The following CDH3 variants were observed in gnomAD, a reference collection of about 807,000 sequenced individuals.
CDH3 encodes cadherin 3, also known as cadherin-3.
CDH3 carries 54 observed loss-of-function variants against 82.0 expected under a neutral mutation model. That is an observed-to-expected ratio of 0.66 (90% CI 0.53 to 0.83). CDH3 has a LOEUF of 0.83. Ranked by LOEUF, CDH3 falls within the 40% of genes least tolerant of loss-of-function variation. The pLI, the probability that CDH3 is intolerant of heterozygous loss-of-function variation, is 0.00. For missense variants in CDH3, 1,054 were observed against 1,084.6 expected (o/e 0.97, Z 0.40); for synonymous variants, 446 against 437.9 (o/e 1.02, Z -0.23).
intron 1 of CDH3, among the ~76,000 whole-genome samples, chr16:68,722,221 C>T (rs987174166): frequency 4.6e-5 from 7 of 152,138 alleles, no homozygotes; most frequent in Non-Finnish European, 8.8e-5. Context: ...TAGGGAGGGG[C>T]CCCTGTCACC....
rs187260826 is a variant in CDH3 at position 68,682,343 on chromosome 16, G to A, written c.1038G>A (p.Val346=). 1.4e-5 allele frequency: 23 copies of A among 1,614,022 alleles called. No homozygotes were observed. In the Middle Eastern group the frequency reaches 5.0e-4, roughly 35 times the overall value. ...CTGAGAATGCAGTGGGCCATGAGGT[G>A]CAGAGGCTGACGGTCACTGATCTGG... ...HVPENAVGHE[V]QRLTVTDLDA... The change falls in exon 9 of 16, where the codon GTG becomes GTA. Residue 346 remains valine (V), a synonymous_variant. Coordinates refer to ENST00000264012, the MANE Select transcript of CDH3 (RefSeq NM_001793.6).
chr16:68,659,041 C>T (rs1839894811), intron 2 of CDH3, among the ~76,000 whole-genome samples: 1 of 152,172 alleles, frequency 6.6e-6, no homozygotes, highest in African/African-American at 2.4e-5. Flanking sequence ...TACTATGTGA[C>T]AGATAAAGTT....
intron 13 of CDH3, 33 bp downstream of exon 13, chr16:68,691,959 A>G: frequency 6.5e-7 from 1 of 1,544,720 alleles, no homozygotes; most frequent in Non-Finnish European, 8.9e-7. Flanking sequence ...CTCCCTGAGG[A>G]TGGGGGAGTT....
intron 2 of CDH3, among the ~76,000 whole-genome samples, chr16:68,675,400 C>G (rs545005339): frequency 6.6e-6 from 1 of 152,126 alleles, no homozygotes; most frequent in African/African-American, 2.4e-5. Flanking sequence ...TGATTTCTTG[C>G]GTTGGCCATA....
rs1340626436 is a variant in CDH3 at position 68,707,717 on chromosome 16, C to CGCT, written c.99+11796_99+11797insTGC. Among the ~76,000 whole-genome samples, 2 of 152,110 alleles carry CGCT rather than the reference C, an allele frequency of 1.3e-5. No individual in the cohort carries two copies. The highest frequency in any genetic ancestry group is 2.9e-5 in the Non-Finnish European group (2 of 68,006). ...CTGAGCCTGCAGTGCAGTTGGGGAT[C>CGCT]GCCAGGTGGTCACTGCCAGCCTTGT... On this transcript the variant is annotated intron_variant, in intron 1 of 2. Transcript: ENST00000569080. The surrounding 1 kb of genome is among the most constrained non-coding windows in gnomAD (Gnocchi z 4.5).
intron 2 of CDH3, among the ~76,000 whole-genome samples, chr16:68,667,670 TAA>T (rs918691013): frequency 2.0e-5 from 3 of 152,190 alleles, no homozygotes; most frequent in African/African-American, 7.2e-5. Context: ...TCAATTCTTA[TAA>T]GTCTATTTAA....
intron 1 of CDH3, among the ~76,000 whole-genome samples, chr16:68,711,971 T>C (rs1301821744): frequency 1.3e-5 from 2 of 151,906 alleles, no homozygotes; most frequent in East Asian, 1.9e-4. Flanking sequence ...CCCTGCATGA[T>C]CCTAGGAAGC....
chr16:68,687,526 A>T lies in CDH3; in HGVS notation c.1585A>T (p.Thr529Ser). Residue 529 changes from threonine (T) to serine (S), a missense_variant, in exon 12 of 16, where the codon ACT becomes TCT. Physicochemically the swap from Thr to Ser is moderately conservative, Grantham distance 58. Coordinates refer to ENST00000264012, the MANE Select transcript of CDH3 (RefSeq NM_001793.6). Reference sequence around the variant, plus strand: ...ATTACAAACAGGAAGCCCTCCCACCACTGGCACGGGAACCCTTCTGCTAAC... The same window carrying T: ...ATTACAAACAGGAAGCCCTCCCACCTCTGGCACGGGAACCCTTCTGCTAAC... ...LAMDNGSPPT[T>S]GTGTLLLTLI... is the part of the protein sequence containing the mutation. 6.2e-7 allele frequency: 1 copy of T among 1,614,020 alleles called. No homozygotes were observed. The highest frequency in any genetic ancestry group is 8.5e-7 in the Non-Finnish European group (1 of 1,179,974).
intron 1 of CDH3, among the ~76,000 whole-genome samples, chr16:68,713,027 C>T (rs1962049494): frequency 6.6e-6 from 1 of 152,096 alleles, no homozygotes; most frequent in Non-Finnish European, 1.5e-5. Flanking sequence ...GTGCAGCATC[C>T]TCCCTTTCTG....
At chr16:68,731,040 AAAAAAAAAT>A (rs1328248557), downstream of CDH3, among the ~76,000 whole-genome samples, 92 of 38,814 alleles carry the variant, frequency 2.4e-3, no homozygotes, top group African/African-American at 3.4e-3. Context: ...AAAAAAAAAA[AAAAAAAAAT>A]ATATATATAT....
chr16:68,723,938 G>A (rs887000163), intron 2 of CDH3, among the ~76,000 whole-genome samples: 1 of 149,058 alleles, frequency 6.7e-6, no homozygotes, highest in Non-Finnish European at 1.5e-5. Context: ...GCATAGTGGC[G>A]GGTGCCTGTA....
At chr16:68,677,415 A>G (rs764970761) in intron 3 of CDH3, among the ~76,000 whole-genome samples, 3 of 152,214 alleles carry the variant, frequency 2.0e-5, no homozygotes, top group East Asian at 1.9e-4. Flanking sequence ...AAGCTGCCCT[A>G]TACCTTAATC....
chr16:68,672,802 T>G (rs1477773196), intron 2 of CDH3, among the ~76,000 whole-genome samples: 2 of 152,330 alleles, frequency 1.3e-5, no homozygotes, highest in East Asian at 3.9e-4. Flanking sequence ...AGGCAGCTCT[T>G]TAGGGTCCCC....
At chr16:68,670,945 C>T (rs1202203702) in intron 2 of CDH3, among the ~76,000 whole-genome samples, 2 of 152,032 alleles carry the variant, frequency 1.3e-5, no homozygotes, top group African/African-American at 2.4e-5. Flanking sequence ...TGGTGGTGCA[C>T]TCCTGTAGTC....
At chr16:68,720,013 G>A (rs1962143528) in intron 1 of CDH3, among the ~76,000 whole-genome samples, 1 of 151,986 alleles carries the variant, frequency 6.6e-6, no homozygotes, top group Admixed American at 6.6e-5. Flanking sequence ...AAATTAGCCA[G>A]GCATGGTGGC....
intron 5 of CDH3, 28 bp downstream of exon 5, chr16:68,678,684 A>G: frequency 6.2e-7 from 1 of 1,614,164 alleles, no homozygotes. Context: ...TCTACTGTAA[A>G]TGTCCCCTCA....
intron 8 of CDH3, 105 bp from the exon 9 acceptor site, chr16:68,682,197 G>A: frequency 7.7e-7 from 1 of 1,299,226 alleles, no homozygotes; most frequent in Non-Finnish European, 1.1e-6. Context: ...GTCCAGGAAA[G>A]GGTAAAGGCA....
Position 68,676,371 on chromosome 16 carries a change from C to T in CDH3, c.161-14C>T. 1 of 1,598,128 alleles carries T rather than the reference C, an allele frequency of 6.3e-7. No homozygotes were observed. On this transcript the variant is annotated splice_polypyrimidine_tract_variant and intron_variant, in intron 2 of 15. Transcript: ENST00000264012. Reference sequence around the variant, plus strand: ...TCCTGCCTTCCTAATGCTCTCTCTTCCCCTTCCCCACAGTATTCATGGGCT... The same window carrying T: ...TCCTGCCTTCCTAATGCTCTCTCTTTCCCTTCCCCACAGTATTCATGGGCT...
In CDH3 at chr16:68,684,835, G is replaced by A. The variant is rs769780339; in HGVS notation, c.1424+11G>A. On this transcript the variant is annotated intron_variant, in intron 10 of 15. Coordinates refer to ENST00000264012, the MANE Select transcript of CDH3 (RefSeq NM_001793.6). ...GAATCAAAAGATCAGGTACTCAGGA[G>A]CTGGGCTCAGTAAGCAGCACGTACT... 87 of 1,614,000 alleles carry A rather than the reference G, an allele frequency of 5.4e-5. No homozygotes were observed. Among genetic ancestry groups the A allele is most frequent in the Non-Finnish European group, 7.1e-5 (84 of 1,180,030 alleles).
Sources: gnomAD v4.1 joint callset for allele counts (sites outside exome capture counted in the v4.1 genomes callset) on GRCh38, gnomAD v4.1.1 for gene constraint, Gnocchi (gnomAD v3.1) non-coding constraint, MANE v1.5 for transcripts, NCBI Gene and HGNC (gene_info 2026-07-23, HGNC 2026-07-21) for gene names.